SRGAP2: variants seen among roughly 807,000 people sequenced by gnomAD.
SRGAP2 encodes SLIT-ROBO Rho GTPase-activating protein 2.
A neutral mutation model predicts 57.2 loss-of-function variants in SRGAP2; 15 were observed. The observed-to-expected ratio is 0.26, with a 90% CI of 0.18 to 0.40. The LOEUF (loss-of-function observed/expected upper bound fraction) is 0.40. Ranked by LOEUF, SRGAP2 falls within the 10% of genes least tolerant of loss-of-function variation. The pLI is 1.00. For synonymous variants in SRGAP2, 249 were observed against 248.0 expected (o/e 1.00, Z -0.04); for missense variants, 520 against 669.6 (o/e 0.78, Z 2.47).
intron 4 of SRGAP2, among the ~76,000 whole-genome samples, chr1:206,359,830 G>A (rs1676759337): frequency 3.2e-5 from 3 of 93,994 alleles, no homozygotes; most frequent in Admixed American, 1.4e-4. Flanking sequence ...TTTTTGAGAC[G>A]GAGTCTCGCT....
At chr1:206,292,471 A>G (rs1671382419) in intron 2 of SRGAP2, among the ~76,000 whole-genome samples, 2 of 151,876 alleles carry the variant, frequency 1.3e-5, no homozygotes, top group African/African-American at 4.8e-5. Flanking sequence ...TGTTTCAGCC[A>G]GCAGCAAGGT....
chr1:206,450,509 G>A (rs1553375519), intron 19 of SRGAP2, 44 bp downstream of exon 19: 2 of 776,858 alleles, frequency 2.6e-6, no homozygotes, highest in Admixed American at 3.4e-5. Context: ...CCAGGGGTGA[G>A]GCAGAAGGAA....
At chr1:206,278,342 CT>C (rs1327766898) in intron 2 of SRGAP2, among the ~76,000 whole-genome samples, 296 of 134,464 alleles carry the variant, frequency 2.2e-3, no homozygotes, top group Middle Eastern at 3.9e-3. Flanking sequence ...CTTTCTTCTA[CT>C]TTTTTTTTTT....
intron 4 of SRGAP2, among the ~76,000 whole-genome samples, chr1:206,364,230 C>G (rs1173373678): frequency 2.0e-5 from 3 of 147,928 alleles, no homozygotes; most frequent in Non-Finnish European, 4.5e-5. Flanking sequence ...TGGAAAAATT[C>G]TGAAATGGGG....
chr1:206,431,363 G>A (rs1177386086), intron 14 of SRGAP2, among the ~76,000 whole-genome samples: 1 of 152,208 alleles, frequency 6.6e-6, no homozygotes, highest in Admixed American at 6.5e-5. Flanking sequence ...GTTTTGTGAT[G>A]CAGTTGGGAG....
chr1:206,322,617 T>C (rs1259883999), intron 3 of SRGAP2, among the ~76,000 whole-genome samples: 1 of 138,118 alleles, frequency 7.2e-6, no homozygotes, highest in Non-Finnish European at 1.5e-5. Context: ...AACCCATGCC[T>C]CTGAAAAAGA....
chr1:206,315,378 A>C (rs1174478796), intron 3 of SRGAP2, among the ~76,000 whole-genome samples: 1 of 148,380 alleles, frequency 6.7e-6, no homozygotes, highest in East Asian at 2.0e-4. Flanking sequence ...TCCTGGGACC[A>C]GTGCGTCACT....
intron 13 of SRGAP2, 83 bp from the exon 14 acceptor site, chr1:206,430,079 C>T: frequency 1.3e-6 from 1 of 771,934 alleles, no homozygotes; most frequent in Non-Finnish European, 2.4e-6. Flanking sequence ...TAAGACAGTT[C>T]TGCACGGTTT....
In SRGAP2 at chr1:206,451,115, T is replaced by TAAAAA. The variant is rs67862340; in HGVS notation, c.2179+670_2179+674dup. 3.2e-3 allele frequency among the ~76,000 whole-genome samples: 222 copies of TAAAAA among 69,226 alleles called. 2 individuals are homozygous for TAAAAA. Among genetic ancestry groups the TAAAAA allele is most frequent in the African/African-American group, 0.013 (211 of 16,796 alleles). 45.4% of individuals were successfully genotyped at this position (69,226 alleles called of 152,430 possible). A position where few individuals can be genotyped will look rare whatever the true frequency, so the allele number is the denominator to read the frequency against. On this transcript the variant is annotated intron_variant, in intron 19 of 22. Coordinates refer to ENST00000573034, the MANE Select transcript of SRGAP2 (RefSeq NM_015326.5). ...CTGGGTGAGAGAGTGAGACCCTGTCTAAAAAAAAAAAAAAAAAAAAAAAAG... is the reference window on the plus strand; with the variant it reads ...CTGGGTGAGAGAGTGAGACCCTGTCTAAAAAAAAAAAAAAAAAAAAAAAAAAAAAG...
At chr1:206,441,631 G>A (rs907537681) in intron 17 of SRGAP2, among the ~76,000 whole-genome samples, 4 of 152,210 alleles carry the variant, frequency 2.6e-5, no homozygotes, top group Non-Finnish European at 4.4e-5. Flanking sequence ...TGTCTATTGT[G>A]TCTTGAGAAC....
intron 2 of SRGAP2, chr1:206,207,857 T>G: frequency 1.2e-5 from 1 of 86,112 alleles, no homozygotes; most frequent in East Asian, 2.8e-4. Flanking sequence ...TTAAACACTT[T>G]GGATATTTAC....
intron 18 of SRGAP2, among the ~76,000 whole-genome samples, chr1:206,446,738 C>A (rs1000966363): frequency 1.3e-5 from 2 of 152,126 alleles, no homozygotes; most frequent in Admixed American, 6.5e-5. Context: ...AATTTCCTGA[C>A]CGTGAGTTTG....
chr1:206,418,509 C>A (rs2103231898), intron 11 of SRGAP2, among the ~76,000 whole-genome samples: 1 of 152,330 alleles, frequency 6.6e-6, no homozygotes, highest in Non-Finnish European at 1.5e-5. Context: ...TAGGGTTTGC[C>A]CCTGGTTTAA....
Position 206,333,640 on chromosome 1 carries a change from C to A in SRGAP2, c.261-9206C>A, listed in dbSNP as rs1332142835. On this transcript the variant is annotated intron_variant, in intron 3 of 22. Coordinates refer to ENST00000573034, the MANE Select transcript of SRGAP2 (RefSeq NM_015326.5). The stretch of plus-strand genomic sequence containing the variant: ...CTCCTGGGCTCAAGCGATCTTCCCA[C>A]CTCAGCTTCCCGAGTAGCCAGGAGT... Among the ~76,000 whole-genome samples the A allele has an allele frequency of 2.0e-5, 3 of 152,140 alleles. No homozygotes were observed. The East Asian group carries it at 5.8e-4, about 29-fold the overall frequency.
chr1:206,382,594 G>GTTCT (rs1162370046), intron 4 of SRGAP2, among the ~76,000 whole-genome samples: 1 of 151,670 alleles, frequency 6.6e-6, no homozygotes. Context: ...TTTCTTAGTG[G>GTTCT]TAGGAATTTA....
At position 206,458,478 on chromosome 1, in the gene SRGAP2, G is replaced by A. The variant is rs149950815; in HGVS notation, c.2508-145G>A. ...GAATGAAGACATGGAGAATGCAAGA[G>A]AAGATGAAGCCGAGGAGAGAACGAG... On this transcript the variant is annotated intron_variant, in intron 21 of 22. Coordinates refer to ENST00000573034, the MANE Select transcript of SRGAP2 (RefSeq NM_015326.5). The A allele has an allele frequency of 1.5e-5, 11 of 715,390 alleles. No homozygotes were observed. In the African/African-American group the frequency reaches 1.6e-4, roughly 10 times the overall value. 44.3% of individuals were successfully genotyped at this position (715,390 alleles called of 1,614,324 possible). A position where few individuals can be genotyped will look rare whatever the true frequency, so the allele number is the denominator to read the frequency against.
rs1335150520 is a variant in SRGAP2 at position 206,272,872 on chromosome 1, A to ACCCCC, written c.68-30408_68-30404dup. 5.3e-5 allele frequency among the ~76,000 whole-genome samples: 8 copies of ACCCCC among 152,226 alleles called. No individual in the cohort carries two copies. The East Asian group carries it at 1.3e-3, about 26-fold the overall frequency. On this transcript the variant is annotated intron_variant, in intron 2 of 22. Transcript: ENST00000573034. Reference sequence around the variant, plus strand: ...GCCCTCCCCAAGGCGTGTTGTAGGTACCCCCAGACCATTGCGTTAAAGCGT... The same window carrying ACCCCC: ...GCCCTCCCCAAGGCGTGTTGTAGGTACCCCCCCCCCAGACCATTGCGTTAAAGCGT...
intron 2 of SRGAP2, among the ~76,000 whole-genome samples, chr1:206,291,480 G>C (rs1225006772): frequency 6.6e-6 from 1 of 152,118 alleles, no homozygotes; most frequent in Non-Finnish European, 1.5e-5. Context: ...ACGACTTAGA[G>C]AGATTAAGTG....
chr1:206,418,254 G>A lies in SRGAP2; in HGVS notation c.1442-1119G>A, dbSNP rs61257066. 3.1e-3 allele frequency among the ~76,000 whole-genome samples: 476 copies of A among 152,340 alleles called. 2 individuals are homozygous for A. Among genetic ancestry groups the A allele is most frequent in the African/African-American group, 0.011 (461 of 41,576 alleles). On this transcript the variant is annotated intron_variant, in intron 11 of 22. Coordinates refer to ENST00000573034, the MANE Select transcript of SRGAP2 (RefSeq NM_015326.5). ...ATTCCAGAATGGAAATGGAACAGAT[G>A]TAGAAAATAATGGCTCAGAATAATA...
Sources: allele counts gnomAD v4.1 joint callset (sites outside exome capture counted in the v4.1 genomes callset), GRCh38; gene constraint gnomAD v4.1.1; transcripts MANE v1.5; gene names NCBI Gene and HGNC (gene_info 2026-07-23, HGNC 2026-07-21).